RBM34: variants seen among roughly 807,000 people sequenced by gnomAD.
RBM34 encodes RNA-binding protein 34.
A neutral mutation model predicts 44.6 loss-of-function variants in RBM34; 39 were observed. That is an observed-to-expected ratio of 0.87 (90% CI 0.68 to 1.14). The LOEUF (loss-of-function observed/expected upper bound fraction) is 1.14. RBM34 is among the 50% of genes most tolerant of loss of function. The pLI, the probability that RBM34 is intolerant of heterozygous loss-of-function variation, is 0.00. For missense variants in RBM34, 572 were observed against 517.9 expected (o/e 1.10, Z -1.01); for synonymous variants, 194 against 184.0 (o/e 1.05, Z -0.44).
chr1:235,159,259 A>C (rs1331016495), intron 3 of RBM34, among the ~76,000 whole-genome samples: 4 of 151,872 alleles, frequency 2.6e-5, no homozygotes, highest in Admixed American at 1.3e-4. Context: ...AAATTTAAGA[A>C]CACCAAACTC....
At chr1:235,135,612 G>T in intron 10 of RBM34, 40 bp downstream of exon 10, 2 of 1,490,288 alleles carry the variant, frequency 1.3e-6, no homozygotes, top group African/African-American at 1.4e-5. Flanking sequence ...GCCTCCCAGG[G>T]CACTTCGAAG....
chr1:235,139,020 C>G (rs1268407989), intron 6 of RBM34, among the ~76,000 whole-genome samples: 1 of 152,184 alleles, frequency 6.6e-6, no homozygotes, highest in Non-Finnish European at 1.5e-5. Context: ...GTGTTGTGTT[C>G]TTTCCAGGGA....
chr1:235,152,835 TA>T, intron 4 of RBM34, 70 bp from the exon 5 acceptor site: 2 of 1,313,786 alleles, frequency 1.5e-6, no homozygotes, highest in Non-Finnish European at 2.1e-6. Context: ...AAAAAGGAAT[TA>T]AGAAAAATTG....
At chr1:235,139,179 T>A (rs1289301938) in intron 6 of RBM34, among the ~76,000 whole-genome samples, 2 of 152,194 alleles carry the variant, frequency 1.3e-5, no homozygotes, top group East Asian at 3.8e-4. Context: ...TGAACACAGA[T>A]CTTTCCCTGA....
intron 3 of RBM34, 96 bp downstream of exon 3, chr1:235,160,415 G>A (rs1339899073): frequency 2.1e-6 from 3 of 1,456,518 alleles, no homozygotes; most frequent in East Asian, 2.3e-5. Flanking sequence ...TTGAAAGAAA[G>A]TAGAAATATG....
chr1:235,141,850 C>T (rs1007364505), intron 6 of RBM34, among the ~76,000 whole-genome samples: 1 of 152,124 alleles, frequency 6.6e-6, no homozygotes, highest in South Asian at 2.1e-4. Context: ...GAAGAAACTC[C>T]GAACAAATCC....
chr1:235,161,007 G>A lies in RBM34; in HGVS notation c.114C>T (p.Val38=), dbSNP rs764341863. The change falls in exon 2 of 11, where the codon GTC becomes GTT. Residue 38 remains valine (V), a synonymous_variant. Transcript: ENST00000408888. The stretch of plus-strand genomic sequence containing the variant: ...GTTCGCCGCGAAATAAGCTACTGGC[G>A]ACCTGTCCAAGCCTGTAGTCTTCCG... ...SPPEDYRLGQ[V]ASSLFRGEHH... 3.7e-6 allele frequency: 6 copies of A among 1,614,106 alleles called. No individual in the cohort carries two copies. The South Asian group carries it at 5.5e-5, about 15-fold the overall frequency.
At chr1:235,155,864 T>TAC (rs1172166098) in intron 3 of RBM34, among the ~76,000 whole-genome samples, 36 of 81,102 alleles carry the variant, frequency 4.4e-4, no homozygotes, top group African/African-American at 5.9e-4. Flanking sequence ...TATATATATA[T>TAC]ATACATATAT....
intron 6 of RBM34, among the ~76,000 whole-genome samples, chr1:235,147,742 A>G (rs1157719006): frequency 6.6e-6 from 1 of 152,230 alleles, no homozygotes; most frequent in Non-Finnish European, 1.5e-5. Context: ...TCTAAAGTAC[A>G]TTATTATATT....
chr1:235,151,181 C>T lies in RBM34; in HGVS notation c.657+1525G>A, dbSNP rs79452041. ...TTAGGAAGAAATCACAGTTGAAAAA[C>T]GGACAGGAGTGGCAAACACTAGCAT... On this transcript the variant is annotated intron_variant, in intron 5 of 10. Transcript: ENST00000408888. Among the ~76,000 whole-genome samples the T allele has an allele frequency of 2.7e-3, 405 of 152,220 alleles. 2 individuals carry two copies. Among genetic ancestry groups the T allele is most frequent in the African/African-American group, 9.3e-3 (386 of 41,538 alleles).
intron 3 of RBM34, among the ~76,000 whole-genome samples, chr1:235,157,280 C>A (rs1054308464): frequency 6.6e-6 from 1 of 151,992 alleles, no homozygotes; most frequent in African/African-American, 2.4e-5. Context: ...ACCAGACTGA[C>A]CAGAGCAGGG....
At chr1:235,159,733 T>C (rs1019846890) in intron 3 of RBM34, among the ~76,000 whole-genome samples, 1 of 150,442 alleles carries the variant, frequency 6.6e-6, no homozygotes, top group Non-Finnish European at 1.5e-5. Flanking sequence ...TAACCGGGCA[T>C]GGTGGCACCT....
chr1:235,148,121 TA>T (rs1572157230), intron 6 of RBM34, among the ~76,000 whole-genome samples: 1 of 152,190 alleles, frequency 6.6e-6, no homozygotes, highest in Non-Finnish European at 1.5e-5. Context: ...TGAGAAAATT[TA>T]GGCATGAAGC....
Position 235,138,144 on chromosome 1 carries a change from AATATTTTTCTGATC to A in RBM34, c.718_731del (p.Asp240Ter). 6.2e-7 allele frequency: 1 copy of A among 1,603,930 alleles called. No homozygotes were observed. Among genetic ancestry groups the A allele is most frequent in the Non-Finnish European group, 8.5e-7 (1 of 1,176,652 alleles). ...CCTCCTTAAACACAACATAGGCATT[AATATTTTTCTGATC>A]AGGATGAATTTTACGTCTACACCAA... On this transcript the variant is annotated frameshift_variant, in exon 7 of 11. Transcript: ENST00000408888. LOFTEE classifies it high-confidence loss of function.
At chr1:235,140,979 G>A (rs891578017) in intron 6 of RBM34, among the ~76,000 whole-genome samples, 10 of 147,392 alleles carry the variant, frequency 6.8e-5, no homozygotes, top group Admixed American at 2.7e-4. Context: ...CACACCAATC[G>A]GCACCCTGTG....
rs748213641 is a variant in RBM34 at position 235,141,725 on chromosome 1, G to A, written c.702-3551C>T. Among the ~76,000 whole-genome samples, 7 of 152,072 alleles carry A rather than the reference G, an allele frequency of 4.6e-5. No homozygotes were observed. The South Asian group carries it at 6.2e-4, about 14-fold the overall frequency. On this transcript the variant is annotated intron_variant, in intron 6 of 10. Coordinates refer to ENST00000408888, the MANE Select transcript of RBM34 (RefSeq NM_015014.4). ...TCACTCCTGAAGCCAGCGAGACCAC[G>A]AGGCCACCGGGAGGAACGAACAACT...
chr1:235,147,056 C>G (rs908304865), intron 6 of RBM34, among the ~76,000 whole-genome samples: 8 of 152,142 alleles, frequency 5.3e-5, no homozygotes, highest in Admixed American at 4.6e-4. Context: ...CATAATGAGA[C>G]TCTGTGTCTA....
intron 4 of RBM34, among the ~76,000 whole-genome samples, chr1:235,154,523 C>T (rs1662312654): frequency 6.6e-6 from 1 of 152,136 alleles, no homozygotes; most frequent in Admixed American, 6.5e-5. Context: ...ATGATCATGC[C>T]ACTACACTCC....
intron 6 of RBM34, among the ~76,000 whole-genome samples, chr1:235,144,642 G>C (rs1661829294): frequency 6.6e-6 from 1 of 152,180 alleles, no homozygotes; most frequent in South Asian, 2.1e-4. Context: ...AGCTACTTGG[G>C]AGGCTGAGGC....
Sources: gnomAD v4.1 joint callset for allele counts (sites outside exome capture counted in the v4.1 genomes callset) on GRCh38, gnomAD v4.1.1 for gene constraint, MANE v1.5 for transcripts, NCBI Gene and HGNC (gene_info 2026-07-23, HGNC 2026-07-21) for gene names.